Variants in TNRC6B observed in about 807,000 individuals in gnomAD.
TNRC6B encodes the protein trinucleotide repeat containing adaptor 6B.
TNRC6B carries 52 observed loss-of-function variants against 203.6 expected under a neutral mutation model. The observed-to-expected ratio is 0.26, with a 90% CI of 0.20 to 0.32. The LOEUF (loss-of-function observed/expected upper bound fraction) is 0.32, where lower values mean the gene tolerates loss of function less well. TNRC6B is among the 10% of genes least tolerant of loss of function. The probability of loss-of-function intolerance (pLI) is 1.00; values close to 1 mark genes in which losing one functional copy is unlikely to be tolerated. For missense variants in TNRC6B, 1,923 were observed against 2,286.2 expected (o/e 0.84, Z 3.24); for synonymous variants, 838 against 845.7 (o/e 0.99, Z 0.16).
chr22:40,251,544 A>G (rs1601920953), intron 3 of TNRC6B, among the ~76,000 whole-genome samples: 1 of 152,078 alleles, frequency 6.6e-6, no homozygotes, highest in East Asian at 1.9e-4. Flanking sequence ...TATGACTGAG[A>G]CCCCATCTCT....
chr22:40,321,143 A>G lies in TNRC6B; in HGVS notation c.5028A>G (p.Thr1676=). 6.2e-7 allele frequency: 1 copy of G among 1,614,022 alleles called. No individual in the cohort carries two copies. The highest frequency in any genetic ancestry group is 8.5e-7 in the Non-Finnish European group (1 of 1,179,892). The change falls in exon 22 of 23, where the codon ACA becomes ACG. Residue 1676 remains threonine (T), a synonymous_variant. Transcript: ENST00000454349. ...GCATGCAGCATGGCCCACTGCTGAC[A>G]TTCCATCTGAATCTAACCCAGGGCA... ...TICMQHGPLL[T]FHLNLTQGTA... is the part of the protein sequence containing the mutation.
At chr22:40,245,869 C>G (rs1295240793) in intron 1 of TNRC6B, 146 bp from the exon 2 acceptor site, 5 of 452,718 alleles carry the variant, frequency 1.1e-5, no homozygotes, top group Non-Finnish European at 1.9e-5. Flanking sequence ...TTTTATGGAT[C>G]CTTTTGATTT....
chr22:40,274,545 C>T (rs1395361552), intron 7 of TNRC6B, among the ~76,000 whole-genome samples: 12 of 152,008 alleles, frequency 7.9e-5, no homozygotes, highest in African/African-American at 1.7e-4. Flanking sequence ...CTCAGCCTCC[C>T]GAGTAGCTGG....
chr22:40,282,473 T>C (rs181988871), intron 11 of TNRC6B, among the ~76,000 whole-genome samples: 4 of 152,358 alleles, frequency 2.6e-5, no homozygotes, highest in Admixed American at 2.0e-4. Context: ...GAAATTATTA[T>C]ATTGATGTTT....
In TNRC6B at chr22:40,256,433, C is replaced by T. The variant is rs994689853; in HGVS notation, c.115+5233C>T. 3.3e-5 allele frequency among the ~76,000 whole-genome samples: 5 copies of T among 152,100 alleles called. No homozygotes were observed. The East Asian group carries it at 9.6e-4, about 29-fold the overall frequency. On this transcript the variant is annotated intron_variant, in intron 3 of 22. Transcript: ENST00000454349. The stretch of plus-strand genomic sequence containing the variant: ...CAAAAGCCAGGATTGCCATTATGGC[C>T]GTGGACAAAGTTGGCCTCACTGCCA...
At chr22:40,154,898 T>C (rs868088966) in intron 3 of TNRC6B, among the ~76,000 whole-genome samples, 21 of 111,828 alleles carry the variant, frequency 1.9e-4, no homozygotes, top group African/African-American at 4.2e-4. Flanking sequence ...TATATATACA[T>C]ATATATATAT....
At position 40,324,087 on chromosome 22, in the gene TNRC6B, A is replaced by G. The variant is rs1469013693; in HGVS notation, c.*846A>G. The G allele has an allele frequency of 6.6e-6, 1 of 152,614 alleles. No homozygotes were observed. The highest frequency in any genetic ancestry group is 1.9e-4 in the East Asian group (1 of 5,208). The allele number at this position is 152,614 out of a possible 1,614,324, so 9.5% of individuals were successfully genotyped here. A position where few individuals can be genotyped will look rare whatever the true frequency, so the allele number is the denominator to read the frequency against. On this transcript the variant is annotated 3_prime_UTR_variant, in exon 23 of 23. Transcript: ENST00000454349. ...CACACAGGCCCGGAGAGCCACTGCT[A>G]CTAAAGCAACTCCATTGGGCTGCAT...
rs777809063 is a variant in TNRC6B at position 40,285,781 on chromosome 22, T to C, written c.3708+11T>C. The stretch of plus-strand genomic sequence containing the variant: ...TTTATTTCCCCCCAGGTAAGCAATT[T>C]TACGTTCCTGTGATTCAAAATGAAA... On this transcript the variant is annotated intron_variant, in intron 12 of 22. Transcript: ENST00000454349. 1 of 1,612,530 alleles carries C rather than the reference T, an allele frequency of 6.2e-7. No individual in the cohort carries two copies. The highest frequency in any genetic ancestry group is 1.1e-5 in the South Asian group (1 of 90,700).
At chr22:40,231,288 TCTG>T (rs748143600) in intron 1 of TNRC6B, among the ~76,000 whole-genome samples, 2 of 152,186 alleles carry the variant, frequency 1.3e-5, no homozygotes, top group African/African-American at 2.4e-5. Context: ...ACAAAAAAAT[TCTG>T]CTGGGATTTT....
chr22:40,310,262 C>T (rs1426588671), intron 16 of TNRC6B, among the ~76,000 whole-genome samples: 3 of 152,092 alleles, frequency 2.0e-5, no homozygotes, highest in South Asian at 2.1e-4. Context: ...AGACCCTAGG[C>T]GGGAATTCCA....
intron 1 of TNRC6B, among the ~76,000 whole-genome samples, chr22:40,196,188 A>G (rs570227823): frequency 6.6e-6 from 1 of 150,550 alleles, no homozygotes; most frequent in African/African-American, 2.4e-5. Context: ...TCTTTTTTTG[A>G]GACAGGGTCT....
rs1399743562 is a variant in TNRC6B, at chr22:40,324,916, A to G, written c.*1675A>G. ...TAGTACTCTGGGCCGAACAGGGGTC[A>G]ACGTTTAATCTACAGTTATCACCAA... On this transcript the variant is annotated 3_prime_UTR_variant, in exon 23 of 23. Coordinates refer to ENST00000454349, the MANE Select transcript of TNRC6B (RefSeq NM_001162501.2). 6.6e-6 allele frequency: 1 copy of G among 152,406 alleles called. No individual in the cohort carries two copies. The highest frequency in any genetic ancestry group is 6.5e-5 in the Admixed American group (1 of 15,276). 9.4% of individuals were successfully genotyped at this position (152,406 alleles called of 1,614,324 possible). A position where few individuals can be genotyped will look rare whatever the true frequency, so the allele number is the denominator to read the frequency against.
At position 40,273,501 on chromosome 22, in the gene TNRC6B, G is replaced by T. The variant is rs768889442; in HGVS notation, c.3042G>T (p.Glu1014Asp). The change falls in exon 7 of 23, where the codon GAG becomes GAT. Residue 1014 changes from glutamate to aspartate, a missense_variant. Transcript: ENST00000454349. ...VTGARHPSWE[E>D]EEDGGVWNTT... ...GAGCTCGCCATCCCAGCTGGGAAGA[G>T]GAGGAGGATGGAGGAGTCTGGAACA... The T allele has an allele frequency of 2.4e-5, 39 of 1,601,512 alleles. No homozygotes were observed. The highest frequency in any genetic ancestry group is 3.1e-5 in the Non-Finnish European group (36 of 1,173,920).
At chr22:40,308,848 A>AT (rs2071131656) in intron 16 of TNRC6B, among the ~76,000 whole-genome samples, 199 bp downstream of exon 16, 1 of 152,272 alleles carries the variant, frequency 6.6e-6, no homozygotes, top group South Asian at 2.1e-4. Context: ...AGGGAGCAGA[A>AT]TTTTTCAGCC....
intron 4 of TNRC6B, among the ~76,000 whole-genome samples, chr22:40,159,068 T>G (rs2068847060): frequency 1.3e-5 from 2 of 151,802 alleles, no homozygotes; most frequent in South Asian, 4.2e-4. Flanking sequence ...GTTCACGCCA[T>G]TCTCCTGCCT....
chr22:40,204,658 G>A (rs1321848826), intron 1 of TNRC6B, among the ~76,000 whole-genome samples: 2 of 152,164 alleles, frequency 1.3e-5, no homozygotes. Flanking sequence ...GACCCAGGGG[G>A]GCTGCCTGGC....
At chr22:40,141,415 C>A (rs1335510893) in intron 3 of TNRC6B, among the ~76,000 whole-genome samples, 1 of 151,928 alleles carries the variant, frequency 6.6e-6, no homozygotes, top group Non-Finnish European at 1.5e-5. Context: ...CCAGGCTGGT[C>A]TCGAACTCCT....
chr22:40,107,993 C>G (rs540452519), intron 1 of TNRC6B, among the ~76,000 whole-genome samples: 7 of 151,574 alleles, frequency 4.6e-5, no homozygotes, highest in African/African-American at 1.7e-4. Flanking sequence ...GAATAGCAAA[C>G]TCACATGATT....
intron 21 of TNRC6B, among the ~76,000 whole-genome samples, chr22:40,318,889 G>A (rs906779076): frequency 6.6e-6 from 1 of 152,028 alleles, no homozygotes; most frequent in African/African-American, 2.4e-5. Context: ...TGGCCAACAT[G>A]GCGAAACCCC....
Sources: allele counts gnomAD v4.1 joint callset (sites outside exome capture counted in the v4.1 genomes callset), GRCh38; gene constraint gnomAD v4.1.1; transcripts MANE v1.5; gene names NCBI Gene and HGNC (gene_info 2026-07-23, HGNC 2026-07-21).